The following CFAP299 variants were observed in gnomAD, a reference collection of about 807,000 sequenced individuals.
CFAP299 encodes cilia- and flagella-associated protein 299.
CFAP299 carries 21 observed loss-of-function variants against 27.0 expected under a neutral mutation model. That is an observed-to-expected ratio of 0.78 (90% CI 0.55 to 1.12). The LOEUF is 1.12. CFAP299 is among the 50% of genes most tolerant of loss of function. The pLI is 0.00. For synonymous variants in CFAP299, 104 were observed against 98.1 expected (o/e 1.06, Z -0.36); for missense variants, 310 against 276.6 (o/e 1.12, Z -0.86).
intron 2 of CFAP299, among the ~76,000 whole-genome samples, chr4:80,494,410 A>G (rs1012051325): frequency 1.3e-5 from 2 of 152,202 alleles, no homozygotes; most frequent in Non-Finnish European, 2.9e-5. Context: ...TTTAAACAAC[A>G]TATATCTGAC....
intron 2 of CFAP299, among the ~76,000 whole-genome samples, chr4:80,541,292 T>C (rs1733984257): frequency 6.6e-6 from 1 of 152,212 alleles, no homozygotes; most frequent in African/African-American, 2.4e-5. Context: ...TTTGAACTCT[T>C]TGTTTCCATG....
chr4:80,449,428 AT>A (rs1175362629), intron 2 of CFAP299, among the ~76,000 whole-genome samples: 1 of 151,642 alleles, frequency 6.6e-6, no homozygotes, highest in Non-Finnish European at 1.5e-5. Flanking sequence ...TTATTTCTTT[AT>A]TAACTGTTGT....
chr4:80,775,167 T>C (rs1726458468), intron 3 of CFAP299, among the ~76,000 whole-genome samples: 1 of 151,840 alleles, frequency 6.6e-6, no homozygotes, highest in Non-Finnish European at 1.5e-5. Flanking sequence ...CATAAACCTA[T>C]ATATAAATCC....
chr4:80,840,296 G>A (rs984882100), intron 3 of CFAP299, among the ~76,000 whole-genome samples: 2 of 152,078 alleles, frequency 1.3e-5, no homozygotes, highest in African/African-American at 4.8e-5. Flanking sequence ...TATCAAAAGT[G>A]TTTACCATGA....
At chr4:80,346,347 C>T (rs897606097) in intron 1 of CFAP299, among the ~76,000 whole-genome samples, 10 of 152,200 alleles carry the variant, frequency 6.6e-5, no homozygotes, top group Non-Finnish European at 1.3e-4. Flanking sequence ...GAAGTCCTTG[C>T]TCATGCCTAT....
intron 3 of CFAP299, among the ~76,000 whole-genome samples, chr4:80,788,463 C>T (rs1483075464): frequency 6.6e-6 from 1 of 151,836 alleles, no homozygotes; most frequent in Non-Finnish European, 1.5e-5. Flanking sequence ...GTAGTGTACC[C>T]ATCACATCTT....
intron 5 of CFAP299, among the ~76,000 whole-genome samples, chr4:80,955,461 G>T (rs1578266436): frequency 6.6e-6 from 1 of 152,270 alleles, no homozygotes; most frequent in East Asian, 1.9e-4. Flanking sequence ...AATGAAAATT[G>T]CTTCCTAGTA....
At chr4:80,736,041 C>T (rs544698381) in intron 3 of CFAP299, among the ~76,000 whole-genome samples, 17 of 152,128 alleles carry the variant, frequency 1.1e-4, no homozygotes, top group Admixed American at 3.3e-4. Context: ...TGCCTGTTCA[C>T]TCTGGTGGTA....
intron 4 of CFAP299, among the ~76,000 whole-genome samples, chr4:80,894,208 A>T (rs889493504): frequency 1.3e-5 from 2 of 152,018 alleles, no homozygotes; most frequent in African/African-American, 4.8e-5. Flanking sequence ...TTAAAAAGAC[A>T]AAAGATTTTT....
intron 2 of CFAP299, among the ~76,000 whole-genome samples, chr4:80,380,422 ATTTTTTTTTTTTT>A (rs10701207): frequency 2.2e-4 from 21 of 96,134 alleles, no homozygotes; most frequent in Non-Finnish European, 3.7e-4. Flanking sequence ...TGTGTCTCAC[ATTTTTTTTTTTTT>A]TTTTTTTTTT....
chr4:80,858,996 T>A (rs910813710), intron 3 of CFAP299, among the ~76,000 whole-genome samples: 1 of 152,226 alleles, frequency 6.6e-6, no homozygotes, highest in African/African-American at 2.4e-5. Flanking sequence ...ATCTGTCTAA[T>A]GTTGACAGTG....
At chr4:80,506,717 G>A (rs1036548025) in intron 2 of CFAP299, among the ~76,000 whole-genome samples, 4 of 152,016 alleles carry the variant, frequency 2.6e-5, no homozygotes, top group Non-Finnish European at 5.9e-5. Flanking sequence ...CCTAATCTCA[G>A]ATAGCTAATT....
At chr4:80,864,861 A>T (rs915550309) in intron 3 of CFAP299, among the ~76,000 whole-genome samples, 4 of 152,186 alleles carry the variant, frequency 2.6e-5, no homozygotes, top group Admixed American at 6.6e-5. Context: ...AAATAGTGTT[A>T]TTTAATTCAC....
intron 2 of CFAP299, among the ~76,000 whole-genome samples, chr4:80,521,269 T>C (rs776985908): frequency 6.6e-6 from 1 of 152,202 alleles, no homozygotes; most frequent in Non-Finnish European, 1.5e-5. Context: ...AGTATTTCCC[T>C]AGGCACAATA....
At chr4:80,446,358 C>T (rs1728616186) in intron 2 of CFAP299, among the ~76,000 whole-genome samples, 1 of 152,186 alleles carries the variant, frequency 6.6e-6, no homozygotes, top group African/African-American at 2.4e-5. Flanking sequence ...CAATGCTCTT[C>T]AACCAGAGGA....
At position 80,370,560 on chromosome 4, in the gene CFAP299, A is replaced by G. The variant is rs150717929; in HGVS notation, c.242+7676A>G. On this transcript the variant is annotated intron_variant, in intron 2 of 5. Transcript: ENST00000358105. ...ATACAATGGGGGATAGGCATTAGGTAAGTACCCTTGTTCCAAAAGGGAGAA... is the reference window on the plus strand; with the variant it reads ...ATACAATGGGGGATAGGCATTAGGTGAGTACCCTTGTTCCAAAAGGGAGAA... Among the ~76,000 whole-genome samples the G allele has an allele frequency of 1.9e-4, 29 of 152,364 alleles. No individual in the cohort carries two copies. In the East Asian group the frequency reaches 5.6e-3, roughly 29 times the overall value.
intron 2 of CFAP299, among the ~76,000 whole-genome samples, chr4:80,494,242 T>C (rs1045596434): frequency 2.6e-5 from 4 of 152,166 alleles, no homozygotes; most frequent in Non-Finnish European, 5.9e-5. Flanking sequence ...GTCCTATTGG[T>C]TCTACCTTCA....
At chr4:80,828,564 T>C (rs1168197310) in intron 3 of CFAP299, among the ~76,000 whole-genome samples, 1 of 151,976 alleles carries the variant, frequency 6.6e-6, no homozygotes, top group Non-Finnish European at 1.5e-5. Flanking sequence ...TTCATGATAG[T>C]GAGTTCTCAT....
At chr4:80,391,177 G>A (rs1312038337) in intron 2 of CFAP299, among the ~76,000 whole-genome samples, 1 of 152,058 alleles carries the variant, frequency 6.6e-6, no homozygotes, top group Non-Finnish European at 1.5e-5. Flanking sequence ...TAATGCTGCA[G>A]TGAATATGGG....
Sources: allele counts gnomAD v4.1 joint callset (sites outside exome capture counted in the v4.1 genomes callset), GRCh38; gene constraint gnomAD v4.1.1; transcripts MANE v1.5; gene names NCBI Gene and HGNC (gene_info 2026-07-23, HGNC 2026-07-21).